The following ZNF799 variants were observed in gnomAD, a reference collection of about 807,000 sequenced individuals.
The protein encoded by ZNF799 is zinc finger protein 14.
In ZNF799, 28 loss-of-function variants were observed where a neutral mutation model predicts 41.0. The ratio of observed to expected loss-of-function variants is 0.68; its 90% CI spans 0.51 to 0.94. The LOEUF (loss-of-function observed/expected upper bound fraction) is 0.94. Ranked by LOEUF, ZNF799 falls within the 40% of genes least tolerant of loss-of-function variation. The pLI, the probability that ZNF799 is intolerant of heterozygous loss-of-function variation, is 0.00. For synonymous variants in ZNF799, 213 were observed against 252.9 expected (o/e 0.84, Z 1.50); for missense variants, 716 against 764.3 (o/e 0.94, Z 0.74).
At chr19:12,396,866 T>G (rs1489093033) in intron 1 of ZNF799, among the ~76,000 whole-genome samples, 1 of 151,582 alleles carries the variant, frequency 6.6e-6, no homozygotes, top group Non-Finnish European at 1.5e-5. Flanking sequence ...TTGCCAATAA[T>G]GTTAAAAGAA....
At chr19:12,412,328 C>T in the ZNF799 span, among the ~76,000 whole-genome samples, 2 of 152,132 alleles carry the variant, frequency 1.3e-5, no homozygotes, top group Admixed American at 1.3e-4. Flanking sequence ...AACTCAAGAC[C>T]GCTAACTCTT....
upstream of ZNF799, among the ~76,000 whole-genome samples, chr19:12,404,171 T>C (rs1970015366): frequency 6.6e-6 from 1 of 152,218 alleles, no homozygotes; most frequent in Admixed American, 6.5e-5. Flanking sequence ...AACTAACATA[T>C]GGTCTATCCT....
chr19:12,410,966 G>A, the ZNF799 span, among the ~76,000 whole-genome samples: 1 of 152,236 alleles, frequency 6.6e-6, no homozygotes, highest in South Asian at 2.1e-4. Context: ...AGACCAGGAT[G>A]GTTTCACTGG....
intron 1 of ZNF799, chr19:12,400,287 C>T (rs1969956408): frequency 6.6e-6 from 1 of 152,228 alleles, no homozygotes; most frequent in Non-Finnish European, 1.5e-5. Flanking sequence ...GTCTGGATTC[C>T]ACCTGGTGAC....
At chr19:12,393,744 T>C in intron 1 of ZNF799, 1 of 1,130,152 alleles carries the variant, frequency 8.8e-7, no homozygotes. Flanking sequence ...GATAAAGTCC[T>C]ACTACTTATT....
chr19:12,391,512 G>A lies in ZNF799; in HGVS notation c.886C>T (p.Leu296Phe), dbSNP rs1253066546. ...GTGTGAGTTGTTTCGTGTCTTCGAAGGGAAGTGGAAGCACTGAAGGCTTTC... is the reference window on the plus strand; with the variant it reads ...GTGTGAGTTGTTTCGTGTCTTCGAAAGGAAGTGGAAGCACTGAAGGCTTTC... ...CGKAFSASTS[L>F]RRHETTHTDE... The change falls in exon 4 of 4, where the codon CTT becomes TTT. Residue 296 changes from leucine to phenylalanine, a missense_variant. Physicochemically the swap from Leu to Phe is conservative, Grantham distance 22 (BLOSUM62 0). Around this residue, in one of 2 missense-constraint regions of ZNF799, gnomAD observed 698 missense variants for 713.6 expected, o/e 0.98. Transcript: ENST00000430385. 6.2e-7 allele frequency: 1 copy of A among 1,613,954 alleles called. No homozygotes were observed. The highest frequency in any genetic ancestry group is 2.2e-5 in the East Asian group (1 of 44,870).
upstream of ZNF799, among the ~76,000 whole-genome samples, chr19:12,401,575 A>ATT (rs1969988287): frequency 1.1e-5 from 1 of 87,882 alleles, no homozygotes; most frequent in South Asian, 3.7e-4. Context: ...TTTCCGAGAG[A>ATT]GAGAGAGAGA....
At chr19:12,407,548 A>G in the ZNF799 span, among the ~76,000 whole-genome samples, 2 of 152,180 alleles carry the variant, frequency 1.3e-5, no homozygotes, top group Non-Finnish European at 2.9e-5. Flanking sequence ...ACAAATACAT[A>G]CAAACATACA....
At chr19:12,393,867 A>G in intron 1 of ZNF799, 1 of 501,728 alleles carries the variant, frequency 2.0e-6, no homozygotes, top group Non-Finnish European at 2.7e-6. Flanking sequence ...GGAGGGCCCC[A>G]GGAGCGTAAC....
At chr19:12,399,735 C>G (rs923640154) in intron 1 of ZNF799, among the ~76,000 whole-genome samples, 62 of 150,964 alleles carry the variant, frequency 4.1e-4, no homozygotes, top group Admixed American at 2.3e-3. Flanking sequence ...CTTCAAACTC[C>G]TGGGCTCCAG....
rs113992006 is a variant in ZNF799, at chr19:12,394,982, C to A, written c.4-1559G>T. Reference sequence around the variant, plus strand: ...TTATTTGTCCTTGGCCCAATCCCTCCCCCTATCAATACCAGTCTTGAACAC... The same window carrying A: ...TTATTTGTCCTTGGCCCAATCCCTCACCCTATCAATACCAGTCTTGAACAC... On this transcript the variant is annotated intron_variant, in intron 1 of 3. Transcript: ENST00000430385. 1.2e-3 allele frequency: 732 copies of A among 624,482 alleles called. 2 individuals carry two copies. The African/African-American group carries it at 0.014, about 12-fold the overall frequency. 38.7% of individuals were successfully genotyped at this position (624,482 alleles called of 1,614,324 possible). A position where few individuals can be genotyped will look rare whatever the true frequency, so the allele number is the denominator to read the frequency against.
chr19:12,406,876 G>A, the ZNF799 span, among the ~76,000 whole-genome samples: 1 of 152,036 alleles, frequency 6.6e-6, no homozygotes, highest in Non-Finnish European at 1.5e-5. Flanking sequence ...CTCCAGCCTG[G>A]GCGACAAAGC....
chr19:12,410,254 CAT>C, the ZNF799 span, among the ~76,000 whole-genome samples: 9,475 of 59,216 alleles, frequency 0.16, 427 homozygotes, highest in Non-Finnish European at 0.18. Flanking sequence ...TGTCTGTGTG[CAT>C]ATATATATAT....
rs984848847 is a variant in ZNF799 at position 12,392,756 on chromosome 19, C to T, written c.131-93G>A. On this transcript the variant is annotated intron_variant, in intron 2 of 3. Coordinates refer to ENST00000430385, the MANE Select transcript of ZNF799 (RefSeq NM_001080821.3). ...ATGTACACTGCAATCGTTCAAAATG[C>T]ATTCACTGAAGTACACCTGACTCTT... 3 of 995,510 alleles carry T rather than the reference C, an allele frequency of 3.0e-6. No homozygotes were observed. The African/African-American group carries it at 4.8e-5, about 16-fold the overall frequency. The allele number at this position is 995,510 out of a possible 1,614,324, so 61.7% of individuals were successfully genotyped here.
upstream of ZNF799, among the ~76,000 whole-genome samples, chr19:12,403,670 A>G (rs2144916486): frequency 6.6e-6 from 1 of 151,978 alleles, no homozygotes; most frequent in East Asian, 1.9e-4. Context: ...CTCCTGCCTC[A>G]GCCTCCCAGG....
chr19:12,410,437 G>C, the ZNF799 span, among the ~76,000 whole-genome samples: 1 of 151,642 alleles, frequency 6.6e-6, no homozygotes, highest in Admixed American at 6.6e-5. Flanking sequence ...CCCAGCCTTA[G>C]CGAAATGTTT....
chr19:12,394,604 G>C lies in ZNF799; in HGVS notation c.4-1181C>G, dbSNP rs924112502. The C allele has an allele frequency of 6.1e-6, 6 of 985,206 alleles. No individual in the cohort carries two copies. The African/African-American group carries it at 1.0e-4, about 17-fold the overall frequency. 61.0% of individuals were successfully genotyped at this position (985,206 alleles called of 1,614,324 possible). On this transcript the variant is annotated intron_variant, in intron 1 of 3. Transcript: ENST00000430385. ...GAAGTATGACAACAGACTGAGAAAA[G>C]ATATTACACCACCTCAAAGGAAAAA...
chr19:12,398,520 A>G (rs1387087127), intron 1 of ZNF799, among the ~76,000 whole-genome samples: 1 of 152,234 alleles, frequency 6.6e-6, no homozygotes. Flanking sequence ...CCAGACAATG[A>G]ATGTCATTTA....
rs1440260415 is a variant in ZNF799, at chr19:12,391,072, A to C, written c.1326T>G (p.Thr442=). The C allele has an allele frequency of 5.0e-6, 8 of 1,614,164 alleles. No individual in the cohort carries two copies. The Admixed American group carries it at 1.3e-4, about 27-fold the overall frequency. The change falls in exon 4 of 4, where the codon ACT becomes ACG. Residue 442 remains threonine, a synonymous_variant. Coordinates refer to ENST00000430385, the MANE Select transcript of ZNF799 (RefSeq NM_001080821.3). The stretch of plus-strand genomic sequence containing the variant: ...ATTTATAGGGTTTCTCTCCAGTATG[A>C]GTTGTTTCATGCCTTCGAAGAGAAC... ...ISSSLRRHET[T]HTGEKPYKCK...
Sources: allele counts gnomAD v4.1 joint callset (sites outside exome capture counted in the v4.1 genomes callset), GRCh38; gene constraint gnomAD v4.1.1; regional missense constraint gnomAD v4.1.1; transcripts MANE v1.5; gene names NCBI Gene and HGNC (gene_info 2026-07-23, HGNC 2026-07-21).